PARD3: variants seen among roughly 807,000 people sequenced by gnomAD.
The protein encoded by PARD3 is par-3 family cell polarity regulator.
PARD3 carries 75 observed loss-of-function variants against 155.4 expected under a neutral mutation model. The observed-to-expected ratio is 0.48, with a 90% CI of 0.40 to 0.58. The LOEUF is 0.58. PARD3 is among the 20% of genes least tolerant of loss of function. The pLI is 0.00. For synonymous variants in PARD3, 576 were observed against 610.5 expected, an observed-to-expected ratio of 0.94 and a Z score of 0.83; for missense variants, 1,642 against 1,721.7, an observed-to-expected ratio of 0.95 and a Z score of 0.82.
At chr10:34,114,189 G>A (rs11009647) in intron 24 of PARD3, among the ~76,000 whole-genome samples, 39,631 of 151,924 alleles carry the variant, frequency 0.26, 5,383 homozygotes, top group Middle Eastern at 0.33. Flanking sequence ...TTGAGCCCAG[G>A]AGGTCGAGGC....
At chr10:34,729,521 A>C (rs2094778935) in intron 1 of PARD3, among the ~76,000 whole-genome samples, 1 of 140,996 alleles carries the variant, frequency 7.1e-6, no homozygotes, top group Non-Finnish European at 1.6e-5. Flanking sequence ...ACAGGGCAAG[A>C]CTCCATCTCA....
chr10:34,419,553 A>AACATGAG (rs1234713623), intron 5 of PARD3, among the ~76,000 whole-genome samples: 1 of 152,168 alleles, frequency 6.6e-6, no homozygotes, highest in African/African-American at 2.4e-5. Context: ...TGTGCAAAGA[A>AACATGAG]ACATTATTTA....
intron 5 of PARD3, among the ~76,000 whole-genome samples, chr10:34,404,443 G>C (rs775841651): frequency 2.6e-5 from 4 of 152,060 alleles, no homozygotes; most frequent in Non-Finnish European, 4.4e-5. Context: ...GAGGTGGGAG[G>C]ACCACTTGAA....
chr10:34,356,759 A>G (rs1838927137), intron 14 of PARD3, among the ~76,000 whole-genome samples: 1 of 152,224 alleles, frequency 6.6e-6, no homozygotes, highest in South Asian at 2.1e-4. Context: ...ATCATGTCTT[A>G]TACCTTACTG....
chr10:34,378,722 C>A (rs1841509098), intron 9 of PARD3, among the ~76,000 whole-genome samples: 1 of 152,162 alleles, frequency 6.6e-6, no homozygotes, highest in African/African-American at 2.4e-5. Context: ...CTTCACCACC[C>A]CCCACTCCCA....
chr10:34,452,467 T>G (rs887570043), intron 4 of PARD3, among the ~76,000 whole-genome samples: 2 of 152,218 alleles, frequency 1.3e-5, no homozygotes, highest in Non-Finnish European at 2.9e-5. Flanking sequence ...AACTGGATAT[T>G]TGCATAGTGA....
chr10:34,519,172 C>G (rs1413638078), intron 2 of PARD3, among the ~76,000 whole-genome samples: 2 of 151,990 alleles, frequency 1.3e-5, no homozygotes, highest in Admixed American at 1.3e-4. Flanking sequence ...TTGGAGGAGT[C>G]TGAGGAAGAA....
intron 3 of PARD3, among the ~76,000 whole-genome samples, chr10:34,480,395 C>T (rs1032258629): frequency 3.3e-5 from 5 of 152,130 alleles, no homozygotes; most frequent in Non-Finnish European, 7.4e-5. Context: ...CCACTACTCC[C>T]GGTTAATTAA....
intron 1 of PARD3, among the ~76,000 whole-genome samples, chr10:34,701,179 G>C (rs1461419419): frequency 2.0e-5 from 3 of 152,132 alleles, no homozygotes; most frequent in East Asian, 1.9e-4. Context: ...CCTGAGCAGG[G>C]GGAAGGGTGT....
At chr10:34,166,573 G>A (rs965102438) in intron 22 of PARD3, among the ~76,000 whole-genome samples, 2 of 151,810 alleles carry the variant, frequency 1.3e-5, no homozygotes, top group Non-Finnish European at 1.5e-5. Context: ...AGCCTACAGT[G>A]AACCATGACC....
At chr10:34,625,479 G>C (rs2091933825) in intron 2 of PARD3, among the ~76,000 whole-genome samples, 1 of 152,236 alleles carries the variant, frequency 6.6e-6, no homozygotes, top group African/African-American at 2.4e-5. Context: ...TCCACACACA[G>C]GTGGTTTTAG....
At chr10:34,452,101 TGC>T (rs2077094147) in intron 4 of PARD3, among the ~76,000 whole-genome samples, 1 of 152,102 alleles carries the variant, frequency 6.6e-6, no homozygotes, top group Non-Finnish European at 1.5e-5. Context: ...TACACTGAAA[TGC>T]AAGTATAACT....
chr10:34,235,704 G>A (rs1248172970), intron 22 of PARD3, among the ~76,000 whole-genome samples: 2 of 152,126 alleles, frequency 1.3e-5, no homozygotes, highest in Non-Finnish European at 2.9e-5. Flanking sequence ...ATCCACTTGT[G>A]GTCTTACTGG....
intron 1 of PARD3, among the ~76,000 whole-genome samples, chr10:34,755,984 G>T (rs1836662054): frequency 6.6e-6 from 1 of 151,808 alleles, no homozygotes; most frequent in African/African-American, 2.4e-5. Flanking sequence ...AGATGCCCAT[G>T]GTCCTTTACT....
intron 2 of PARD3, among the ~76,000 whole-genome samples, chr10:34,533,273 A>G (rs2082981374): frequency 6.6e-6 from 1 of 152,042 alleles, no homozygotes; most frequent in African/African-American, 2.4e-5. Context: ...GAACACTACT[A>G]GAAGAGGGAG....
Position 34,196,637 on chromosome 10 carries a change from G to A in PARD3, c.3420-65054C>T, listed in dbSNP as rs990746738. 2.1e-4 allele frequency among the ~76,000 whole-genome samples: 29 copies of A among 138,218 alleles called. No homozygotes were observed. In the East Asian group the frequency reaches 5.4e-3, roughly 26 times the overall value. The allele number at this position is 138,218 out of a possible 152,430, so 90.7% of individuals were successfully genotyped here. The stretch of plus-strand genomic sequence containing the variant: ...CGCCCAGGCTGGAGTGCAGTGGCTC[G>A]ATCTTGGCTCACTGCAAGCTCTGCC... On this transcript the variant is annotated intron_variant, in intron 22 of 24. Coordinates refer to ENST00000374788, the MANE Select transcript of PARD3 (RefSeq NM_001184785.2).
intron 22 of PARD3, among the ~76,000 whole-genome samples, chr10:34,223,051 G>C (rs934181912): frequency 6.6e-6 from 1 of 152,118 alleles, no homozygotes; most frequent in Non-Finnish European, 1.5e-5. Flanking sequence ...CTCTGTGTTC[G>C]GTAAGTCCCA....
chr10:34,684,878 TACACACACACACACAC>T (rs57035644), intron 2 of PARD3, among the ~76,000 whole-genome samples: 2 of 137,776 alleles, frequency 1.5e-5, no homozygotes, highest in Non-Finnish European at 1.6e-5. Flanking sequence ...TACACACACA[TACACACACACACACAC>T]ACACACACAC....
intron 22 of PARD3, among the ~76,000 whole-genome samples, chr10:34,191,497 TCTC>T (rs1437667952): frequency 6.6e-6 from 1 of 151,896 alleles, no homozygotes; most frequent in Non-Finnish European, 1.5e-5. Context: ...AGGAGAAAAA[TCTC>T]CTGGCCCAAG....
Sources: gnomAD v4.1 joint callset for allele counts (sites outside exome capture counted in the v4.1 genomes callset) on GRCh38, gnomAD v4.1.1 for gene constraint, MANE v1.5 for transcripts, NCBI Gene and HGNC (gene_info 2026-07-23, HGNC 2026-07-21) for gene names.